GRID2: variants seen among roughly 807,000 people sequenced by gnomAD.
GRID2 encodes glutamate ionotropic receptor delta type subunit 2.
A neutral mutation model predicts 114.8 loss-of-function variants in GRID2; 33 were observed. The ratio of observed to expected loss-of-function variants is 0.29; its 90% CI spans 0.22 to 0.38. GRID2 has a LOEUF of 0.38. Ranked by LOEUF, GRID2 falls within the 10% of genes least tolerant of loss-of-function variation. GRID2 has a pLI of 1.00. For synonymous variants in GRID2, 505 were observed against 449.9 expected (o/e 1.12, Z -1.55); for missense variants, 1,184 against 1,257.7 (o/e 0.94, Z 0.89).
intron 8 of GRID2, among the ~76,000 whole-genome samples, chr4:93,298,107 C>A (rs1225523497): frequency 6.6e-6 from 1 of 152,120 alleles, no homozygotes; most frequent in East Asian, 1.9e-4. Flanking sequence ...CCCATCTTTG[C>A]CCAAATATGG....
chr4:93,076,114 G>C (rs776519258), intron 2 of GRID2, among the ~76,000 whole-genome samples: 37 of 151,970 alleles, frequency 2.4e-4, no homozygotes, highest in Non-Finnish European at 4.4e-4. Flanking sequence ...TGTTAGCCAG[G>C]ATGGTCTCGA....
chr4:93,411,295 A>G (rs1191776773), intron 9 of GRID2, among the ~76,000 whole-genome samples: 1 of 152,178 alleles, frequency 6.6e-6, no homozygotes, highest in Non-Finnish European at 1.5e-5. Flanking sequence ...GCACATACTA[A>G]GTTCCATATG....
chr4:93,687,801 G>T (rs538599267), intron 14 of GRID2, among the ~76,000 whole-genome samples: 1 of 151,994 alleles, frequency 6.6e-6, no homozygotes, highest in African/African-American at 2.4e-5. Context: ...AAAGAATAAA[G>T]AAATGGGGTG....
At chr4:92,460,956 A>G (rs1721465128) in intron 1 of GRID2, among the ~76,000 whole-genome samples, 2 of 151,880 alleles carry the variant, frequency 1.3e-5, no homozygotes, top group African/African-American at 4.8e-5. Context: ...GAAGCTTCAT[A>G]TATATAACGC....
intron 2 of GRID2, among the ~76,000 whole-genome samples, chr4:92,653,339 G>GTA (rs1732066743): frequency 6.7e-6 from 1 of 150,196 alleles, no homozygotes; most frequent in Non-Finnish European, 1.5e-5. Context: ...GTGTGTGTGT[G>GTA]TGTGTGTGTT....
At chr4:93,561,423 G>A (rs926269242) in intron 13 of GRID2, among the ~76,000 whole-genome samples, 1 of 152,000 alleles carries the variant, frequency 6.6e-6, no homozygotes, top group Non-Finnish European at 1.5e-5. Flanking sequence ...TGAAAGGAAG[G>A]TATAGAGATT....
chr4:93,771,348 G>A (rs1734091078), intron 15 of GRID2, among the ~76,000 whole-genome samples: 2 of 152,094 alleles, frequency 1.3e-5, no homozygotes, highest in South Asian at 4.1e-4. Context: ...CTTTGGTTTT[G>A]AGGTCAGTTA....
At chr4:93,407,849 C>A (rs900051282) in intron 9 of GRID2, among the ~76,000 whole-genome samples, 3 of 144,690 alleles carry the variant, frequency 2.1e-5, no homozygotes, top group Non-Finnish European at 3.0e-5. Context: ...TCCTCCTCCA[C>A]CTCCTGCTTC....
intron 2 of GRID2, among the ~76,000 whole-genome samples, chr4:92,911,124 C>T (rs1748345145): frequency 1.3e-5 from 2 of 151,882 alleles, no homozygotes; most frequent in South Asian, 2.1e-4. Flanking sequence ...TGGATTGATT[C>T]ATCCACATAG....
At chr4:92,731,779 G>A (rs1318901548) in intron 2 of GRID2, among the ~76,000 whole-genome samples, 1 of 151,868 alleles carries the variant, frequency 6.6e-6, no homozygotes, top group Admixed American at 6.6e-5. Flanking sequence ...GACAATAGAT[G>A]AGTGCTTTCA....
intron 14 of GRID2, among the ~76,000 whole-genome samples, chr4:93,667,815 T>G (rs1724077897): frequency 6.6e-6 from 1 of 152,024 alleles, no homozygotes; most frequent in African/African-American, 2.4e-5. Flanking sequence ...ACATAACGAT[T>G]TTTTCTTTTG....
intron 1 of GRID2, among the ~76,000 whole-genome samples, chr4:92,470,529 A>G (rs1228627994): frequency 1.3e-5 from 2 of 152,000 alleles, no homozygotes; most frequent in East Asian, 1.9e-4. Context: ...GCAAGTCCTC[A>G]TCCTTCTTTA....
intron 2 of GRID2, among the ~76,000 whole-genome samples, chr4:93,057,188 TAGAA>T (rs1476126669): frequency 1.4e-4 from 17 of 123,352 alleles, no homozygotes; most frequent in African/African-American, 5.2e-4. Flanking sequence ...GTGTGTGTGT[TAGAA>T]AGACAGAGAT....
intron 14 of GRID2, among the ~76,000 whole-genome samples, chr4:93,684,154 T>C (rs778536007): frequency 1.3e-5 from 2 of 152,190 alleles, no homozygotes; most frequent in Non-Finnish European, 2.9e-5. Context: ...GATAATAGCA[T>C]ATTAGATTAT....
intron 1 of GRID2, among the ~76,000 whole-genome samples, chr4:93,788,855 G>A (rs1331186526): frequency 1.3e-5 from 2 of 152,192 alleles, no homozygotes; most frequent in African/African-American, 4.8e-5. Flanking sequence ...TTTGTTTTCT[G>A]TTGGTTCTTC....
At chr4:93,555,957 A>G (rs1188702038) in intron 13 of GRID2, among the ~76,000 whole-genome samples, 1 of 152,206 alleles carries the variant, frequency 6.6e-6, no homozygotes, top group East Asian at 1.9e-4. Flanking sequence ...GGTGATACCC[A>G]GGCAAACGGA....
chr4:93,547,455 C>A (rs1733331426), intron 13 of GRID2, among the ~76,000 whole-genome samples: 1 of 152,156 alleles, frequency 6.6e-6, no homozygotes, highest in South Asian at 2.1e-4. Context: ...CACCAAGTGG[C>A]CAAGCATTGT....
chr4:93,710,143 T>TA (rs1180858706), intron 14 of GRID2, among the ~76,000 whole-genome samples: 1 of 152,240 alleles, frequency 6.6e-6, no homozygotes, highest in Non-Finnish European at 1.5e-5. Flanking sequence ...TGTCAATGTT[T>TA]AGGCATTGAA....
At chr4:92,792,820 C>T (rs907086568) in intron 2 of GRID2, among the ~76,000 whole-genome samples, 1 of 151,156 alleles carries the variant, frequency 6.6e-6, no homozygotes, top group African/African-American at 2.4e-5. Context: ...ATTCATAATG[C>T]CAGTCTACGA....
Sources: gnomAD v4.1 joint callset for allele counts (sites outside exome capture counted in the v4.1 genomes callset) on GRCh38, gnomAD v4.1.1 for gene constraint, MANE v1.5 for transcripts, NCBI Gene and HGNC (gene_info 2026-07-23, HGNC 2026-07-21) for gene names.